FAM110B: variants seen among roughly 807,000 people sequenced by gnomAD.
FAM110B encodes protein FAM110B.
FAM110B carries 6 observed loss-of-function variants against 20.4 expected under a neutral mutation model. That is an observed-to-expected ratio of 0.29 (90% confidence interval 0.16 to 0.58). The LOEUF is 0.58. Among genes scored for constraint, FAM110B ranks in the 20% least tolerant of loss-of-function variants. FAM110B has a pLI of 0.90. For synonymous variants in FAM110B, 226 were observed against 214.1 expected, an observed-to-expected ratio of 1.06 and a Z score of -0.49; for missense variants, 434 against 498.2, an observed-to-expected ratio of 0.87 and a Z score of 1.23.
chr8:58,107,847 G>A (rs762143861), intron 3 of FAM110B, among the ~76,000 whole-genome samples: 5 of 152,164 alleles, frequency 3.3e-5, no homozygotes, highest in East Asian at 3.9e-4. Context: ...GTTACATACC[G>A]TAATGAAAAG....
chr8:58,014,749 A>G (rs1254447124), intron 1 of FAM110B, among the ~76,000 whole-genome samples: 1 of 152,148 alleles, frequency 6.6e-6, no homozygotes, highest in Non-Finnish European at 1.5e-5. Flanking sequence ...TGCAAGTTCA[A>G]TTATGATTTG....
At chr8:58,117,126 T>A (rs570765869) in intron 3 of FAM110B, among the ~76,000 whole-genome samples, 1 of 152,292 alleles carries the variant, frequency 6.6e-6, no homozygotes, top group Admixed American at 6.5e-5. Context: ...TTAACCGGTG[T>A]GAGGGAAAAA....
intron 2 of FAM110B, among the ~76,000 whole-genome samples, chr8:58,050,670 G>T (rs993156605): frequency 2.0e-5 from 3 of 152,160 alleles, no homozygotes; most frequent in African/African-American, 7.2e-5. Context: ...AATCTCTTTG[G>T]ATTCTTTTCT....
chr8:58,117,486 T>C (rs1807243659), intron 3 of FAM110B, among the ~76,000 whole-genome samples: 1 of 152,206 alleles, frequency 6.6e-6, no homozygotes, highest in Non-Finnish European at 1.5e-5. Context: ...GGCCACATGG[T>C]AGTCATGAGA....
intron 2 of FAM110B, among the ~76,000 whole-genome samples, chr8:58,034,440 G>A (rs577160633): frequency 4.6e-5 from 7 of 152,276 alleles, no homozygotes; most frequent in Non-Finnish European, 1.0e-4. Context: ...TTCTTCTCAT[G>A]TCTAGTGACA....
At chr8:58,144,094 G>A (rs1803800946) in intron 3 of FAM110B, among the ~76,000 whole-genome samples, 1 of 152,174 alleles carries the variant, frequency 6.6e-6, no homozygotes. Context: ...GTCTCCCACT[G>A]CCCACTAGGT....
chr8:58,016,907 T>G (rs1006861184), intron 1 of FAM110B, among the ~76,000 whole-genome samples: 10 of 151,912 alleles, frequency 6.6e-5, no homozygotes, highest in African/African-American at 2.4e-4. Flanking sequence ...GTTAGCCAGG[T>G]GAAGGAGTAG....
At chr8:58,123,675 A>C (rs1807421601) in intron 3 of FAM110B, among the ~76,000 whole-genome samples, 1 of 152,228 alleles carries the variant, frequency 6.6e-6, no homozygotes, top group African/African-American at 2.4e-5. Context: ...TCTGTAGTAC[A>C]TGAACATGAT....
At chr8:58,050,212 T>C (rs1805412175) in intron 2 of FAM110B, among the ~76,000 whole-genome samples, 1 of 129,540 alleles carries the variant, frequency 7.7e-6, no homozygotes, top group African/African-American at 4.0e-5. Flanking sequence ...TATACTTTTC[T>C]TTTTTTTTTT....
chr8:58,020,620 A>G (rs1804731554), intron 1 of FAM110B, among the ~76,000 whole-genome samples: 1 of 152,174 alleles, frequency 6.6e-6, no homozygotes, highest in Non-Finnish European at 1.5e-5. Context: ...TAGATCTTTG[A>G]TTTCCTGTTG....
chr8:58,045,472 G>A (rs1805302335), intron 2 of FAM110B, among the ~76,000 whole-genome samples: 2 of 152,144 alleles, frequency 1.3e-5, no homozygotes, highest in Non-Finnish European at 2.9e-5. Context: ...GTACTCATGA[G>A]GCATAGGTCT....
At chr8:58,134,931 A>G (rs1235097791) in intron 3 of FAM110B, among the ~76,000 whole-genome samples, 8 of 152,224 alleles carry the variant, frequency 5.3e-5, no homozygotes, top group Admixed American at 1.3e-4. Flanking sequence ...TGGTATTAAT[A>G]CTAAACAGTG....
At chr8:58,107,441 G>A (rs1490151743) in intron 3 of FAM110B, among the ~76,000 whole-genome samples, 1 of 152,166 alleles carries the variant, frequency 6.6e-6, no homozygotes, top group Non-Finnish European at 1.5e-5. Context: ...TTTAGTGACA[G>A]TTCTAGTCTC....
At chr8:57,999,303 C>T (rs1187383695) in intron 1 of FAM110B, among the ~76,000 whole-genome samples, 1 of 152,154 alleles carries the variant, frequency 6.6e-6, no homozygotes, top group African/African-American at 2.4e-5. Context: ...ATGTTTTATA[C>T]ATCAGGGCAA....
chr8:58,145,738 C>G (rs960151166), intron 3 of FAM110B, among the ~76,000 whole-genome samples, 169 bp from the exon 4 acceptor site: 1 of 152,222 alleles, frequency 6.6e-6, no homozygotes, highest in Non-Finnish European at 1.5e-5. Flanking sequence ...GGCGGGGGCG[C>G]AAGGCCCGGG....
At chr8:58,004,885 C>T (rs1485784830) in intron 1 of FAM110B, among the ~76,000 whole-genome samples, 1 of 152,160 alleles carries the variant, frequency 6.6e-6, no homozygotes, top group Non-Finnish European at 1.5e-5. Flanking sequence ...AATATTGTGG[C>T]TGGTTTAATT....
At chr8:58,033,073 C>G (rs954849142) in intron 2 of FAM110B, among the ~76,000 whole-genome samples, 3 of 152,184 alleles carry the variant, frequency 2.0e-5, no homozygotes, top group Non-Finnish European at 4.4e-5. Flanking sequence ...TAACTCCCCC[C>G]AGTAGTCTCC....
intron 1 of FAM110B, among the ~76,000 whole-genome samples, chr8:58,004,408 T>C (rs1804360706): frequency 6.6e-6 from 1 of 152,246 alleles, no homozygotes; most frequent in Non-Finnish European, 1.5e-5. Context: ...CACTTGCTGC[T>C]TCACCTTGCA....
intron 3 of FAM110B, among the ~76,000 whole-genome samples, chr8:58,117,023 A>G (rs943424980): frequency 6.6e-6 from 1 of 152,174 alleles, no homozygotes; most frequent in East Asian, 1.9e-4. Context: ...GTGAGTGCAT[A>G]TCTCAGGATC....
Sources: gnomAD v4.1 joint callset for allele counts (sites outside exome capture counted in the v4.1 genomes callset) on GRCh38, gnomAD v4.1.1 for gene constraint, MANE v1.5 for transcripts, NCBI Gene and HGNC (gene_info 2026-07-23, HGNC 2026-07-21) for gene names.